Variants in CCDC150 observed in about 807,000 individuals in gnomAD.
CCDC150 encodes the protein coiled-coil domain-containing protein 150.
CCDC150 carries 151 observed loss-of-function variants against 156.5 expected under a neutral mutation model. That is an observed-to-expected ratio of 0.97 (90% CI 0.85 to 1.10). The LOEUF is 1.10. CCDC150 is among the 50% of genes least tolerant of loss of function. The pLI is 0.00. For missense variants in CCDC150, 1,312 were observed against 1,268.1 expected, an observed-to-expected ratio of 1.03 and a Z score of -0.53; for synonymous variants, 452 against 429.4, an observed-to-expected ratio of 1.05 and a Z score of -0.65.
At chr2:196,710,871 T>A (rs371186851) in intron 15 of CCDC150, among the ~76,000 whole-genome samples, 31 of 152,300 alleles carry the variant, frequency 2.0e-4, no homozygotes, top group African/African-American at 7.2e-4. Flanking sequence ...CGGTAGTTTT[T>A]TTTTTTAAGT....
intron 1 of CCDC150, among the ~76,000 whole-genome samples, chr2:196,644,761 A>T (rs1246963772): frequency 6.6e-6 from 1 of 152,202 alleles, no homozygotes; most frequent in Non-Finnish European, 1.5e-5. Context: ...TTGTGTCAAA[A>T]AAAGTTTCAC....
At chr2:196,723,961 A>G (rs1185417608) in intron 21 of CCDC150, among the ~76,000 whole-genome samples, 2 of 152,360 alleles carry the variant, frequency 1.3e-5, no homozygotes, top group Middle Eastern at 3.4e-3. Context: ...GAGGAACTGG[A>G]CCATGATTAA....
chr2:196,720,537 T>C, intron 19 of CCDC150, 38 bp from the exon 20 acceptor site: 1 of 1,557,018 alleles, frequency 6.4e-7, no homozygotes, highest in African/African-American at 1.4e-5. Context: ...TACACGATTC[T>C]TTTCTGTAGT....
chr2:196,690,332 T>C (rs919342000), intron 13 of CCDC150, among the ~76,000 whole-genome samples: 1 of 152,040 alleles, frequency 6.6e-6, no homozygotes, highest in Non-Finnish European at 1.5e-5. Context: ...TGTATACATA[T>C]GTAACTAACC....
At chr2:196,732,209 C>G (rs1698555978) in intron 27 of CCDC150, 57 bp downstream of exon 27, 1 of 1,591,620 alleles carries the variant, frequency 6.3e-7, no homozygotes, top group Non-Finnish European at 8.6e-7. Flanking sequence ...TCTCAGATTT[C>G]TAATTACCGA....
chr2:196,725,967 A>T lies in CCDC150; in HGVS notation c.2430-6A>T. ...GGTGACTTATCACCTCTCTTCTTCAAAACAGAGACCGGATGACTGAAGAGT... is the reference window on the plus strand; with the variant it reads ...GGTGACTTATCACCTCTCTTCTTCATAACAGAGACCGGATGACTGAAGAGT... On this transcript the variant is annotated splice_region_variant and splice_polypyrimidine_tract_variant and intron_variant, in intron 21 of 27. Coordinates refer to ENST00000389175, the MANE Select transcript of CCDC150 (RefSeq NM_001080539.2). The T allele has an allele frequency of 6.3e-7, 1 of 1,588,850 alleles. No homozygotes were observed. The highest frequency in any genetic ancestry group is 2.3e-5 in the East Asian group (1 of 44,180).
chr2:196,687,347 G>C (rs2125636599), intron 13 of CCDC150, among the ~76,000 whole-genome samples: 1 of 152,270 alleles, frequency 6.6e-6, no homozygotes, highest in East Asian at 1.9e-4. Flanking sequence ...TTGTGGTTTT[G>C]ATTTACATTT....
At chr2:196,700,443 A>G (rs2125663645) in intron 14 of CCDC150, among the ~76,000 whole-genome samples, 1 of 152,342 alleles carries the variant, frequency 6.6e-6, no homozygotes, top group South Asian at 2.1e-4. Flanking sequence ...AGAAAGTACC[A>G]ATATGGCCCA....
chr2:196,698,737 C>T (rs947584687), intron 14 of CCDC150, among the ~76,000 whole-genome samples: 15 of 152,076 alleles, frequency 9.9e-5, no homozygotes, highest in African/African-American at 3.1e-4. Context: ...ATGTGCACAA[C>T]GTGCAAGTTT....
intron 10 of CCDC150, among the ~76,000 whole-genome samples, chr2:196,674,722 A>G (rs933269033): frequency 2.0e-4 from 30 of 152,116 alleles, no homozygotes; most frequent in Admixed American, 6.5e-5. Flanking sequence ...CATCTTCAAT[A>G]TCTGAAATTC....
At chr2:196,717,708 A>C (rs1202079277) in intron 17 of CCDC150, among the ~76,000 whole-genome samples, 1 of 152,148 alleles carries the variant, frequency 6.6e-6, no homozygotes, top group African/African-American at 2.4e-5. Context: ...CCTGACAAAC[A>C]TGGTGAAACC....
rs779075739 is a variant in CCDC150 at position 196,656,731 on chromosome 2, T to G, written c.275T>G (p.Ile92Ser). 1 of 1,613,794 alleles carries G rather than the reference T, an allele frequency of 6.2e-7. No homozygotes were observed. The highest frequency in any genetic ancestry group is 8.5e-7 in the Non-Finnish European group (1 of 1,179,768). The change falls in exon 3 of 28, where the codon ATT (isoleucine) becomes AGT (serine). Residue 92 changes from isoleucine (I) to serine (S), a missense_variant. By Grantham distance (142) the Ile-to-Ser change is moderately radical (BLOSUM62 -2). Coordinates refer to ENST00000389175, the MANE Select transcript of CCDC150 (RefSeq NM_001080539.2). ...NEAICAGKTD[I>S]LWKNCEFLVN... is the part of the protein sequence containing the mutation. ...GCAATTTGTGCAGGAAAAACAGATA[T>G]TTTATGGAAGAACTGTGAGTTTCTG...
chr2:196,705,911 A>AT (rs1240189502), intron 15 of CCDC150, among the ~76,000 whole-genome samples: 3 of 152,152 alleles, frequency 2.0e-5, no homozygotes, highest in Non-Finnish European at 4.4e-5. Flanking sequence ...ATTGGTCTAT[A>AT]TATCTGTTTT....
At chr2:196,710,977 G>T (rs1575924987) in intron 15 of CCDC150, among the ~76,000 whole-genome samples, 1 of 151,864 alleles carries the variant, frequency 6.6e-6, no homozygotes, top group East Asian at 1.9e-4. Flanking sequence ...GAGTTATTTG[G>T]CCTCACTCTA....
At chr2:196,682,400 AC>A (rs1440535159) in intron 13 of CCDC150, among the ~76,000 whole-genome samples, 2 of 147,626 alleles carry the variant, frequency 1.4e-5, no homozygotes, top group Non-Finnish European at 3.0e-5. Flanking sequence ...GAATCTTCCA[AC>A]TTTTTTTTTT....
At chr2:196,641,444 A>C (rs1692226120) in intron 1 of CCDC150, among the ~76,000 whole-genome samples, 1 of 152,044 alleles carries the variant, frequency 6.6e-6, no homozygotes, top group Non-Finnish European at 1.5e-5. Context: ...CTGCCCTCTG[A>C]TATCTATATA....
intron 14 of CCDC150, among the ~76,000 whole-genome samples, chr2:196,695,703 C>T (rs1228080233): frequency 2.0e-5 from 3 of 150,790 alleles, no homozygotes; most frequent in African/African-American, 7.3e-5. Flanking sequence ...ATTAGCCGGG[C>T]GTGGTGGCGG....
At position 196,656,790 on chromosome 2, in the gene CCDC150, C is replaced by T. The variant is rs1339855508; in HGVS notation, c.334C>T (p.Gln112Ter). 6.2e-7 allele frequency: 1 copy of T among 1,613,882 alleles called. No homozygotes were observed. Among genetic ancestry groups the T allele is most frequent in the East Asian group, 2.2e-5 (1 of 44,878 alleles). The change falls in exon 3 of 28, where the codon CAG becomes TAG. Residue 112 changes from glutamine (Q) to a stop codon, truncating the protein, a stop_gained. Transcript: ENST00000389175. LOFTEE classifies it high-confidence loss of function. ...NRMCRLESLM[Q>*]SLKMNIFRLQ... ...AATGTGCCGTCTTGAAAGCCTCATG[C>T]AGTCCTTGAAGATGAACATCTTTCG...
intron 15 of CCDC150, among the ~76,000 whole-genome samples, chr2:196,707,308 G>T (rs1419163827): frequency 1.3e-5 from 2 of 152,146 alleles, no homozygotes; most frequent in Non-Finnish European, 2.9e-5. Flanking sequence ...GGTGTTTATA[G>T]TATTCTCTGA....
Sources: allele counts gnomAD v4.1 joint callset (sites outside exome capture counted in the v4.1 genomes callset), GRCh38; gene constraint gnomAD v4.1.1; transcripts MANE v1.5; gene names NCBI Gene and HGNC (gene_info 2026-07-23, HGNC 2026-07-21).